Variants in PABPC4L observed in about 807,000 individuals in gnomAD.
PABPC4L encodes polyadenylate-binding protein 4-like.
For synonymous variants in PABPC4L, 169 were observed against 164.1 expected (o/e 1.03, Z -0.23); for missense variants, 452 against 451.4 (o/e 1.00, Z -0.01).
the PABPC4L span, among the ~76,000 whole-genome samples, chr4:133,998,035 A>C: frequency 2.0e-5 from 3 of 151,932 alleles, no homozygotes; most frequent in Non-Finnish European, 4.4e-5. Flanking sequence ...CAAATGTACA[A>C]GTATACATTT....
At chr4:133,957,318 T>G in the PABPC4L span, among the ~76,000 whole-genome samples, 1 of 152,164 alleles carries the variant, frequency 6.6e-6, no homozygotes, top group Non-Finnish European at 1.5e-5. Flanking sequence ...GGGGCAGTCA[T>G]TAAACCTTAC....
At chr4:133,958,150 A>T in the PABPC4L span, among the ~76,000 whole-genome samples, 8 of 152,282 alleles carry the variant, frequency 5.3e-5, no homozygotes, top group East Asian at 1.4e-3. Context: ...TCCAAACTTT[A>T]ATGCTCTGCT....
chr4:133,976,550 T>A, the PABPC4L span, among the ~76,000 whole-genome samples: 1 of 152,324 alleles, frequency 6.6e-6, no homozygotes, highest in South Asian at 2.1e-4. Flanking sequence ...TCTTCCACAA[T>A]GTTTTAATTA....
the PABPC4L span, among the ~76,000 whole-genome samples, chr4:134,165,904 GA>G: frequency 6.6e-6 from 1 of 152,054 alleles, no homozygotes; most frequent in African/African-American, 2.4e-5. Flanking sequence ...CTGATGAGTG[GA>G]TTAAAAAAAT....
At chr4:134,188,870 A>T in the PABPC4L span, among the ~76,000 whole-genome samples, 3 of 151,638 alleles carry the variant, frequency 2.0e-5, no homozygotes, top group Non-Finnish European at 4.4e-5. Context: ...TCTTGTCATT[A>T]TTGTTTCAGG....
chr4:133,992,379 C>T, the PABPC4L span, among the ~76,000 whole-genome samples: 1 of 152,158 alleles, frequency 6.6e-6, no homozygotes, highest in Non-Finnish European at 1.5e-5. Flanking sequence ...TTGAGGCTAC[C>T]TTCAACAAAG....
the PABPC4L span, among the ~76,000 whole-genome samples, chr4:134,076,186 C>G: frequency 6.6e-6 from 1 of 151,842 alleles, no homozygotes; most frequent in African/African-American, 2.4e-5. Flanking sequence ...AAGTGGAAAT[C>G]AGAATTATGA....
chr4:134,094,659 A>T, the PABPC4L span, among the ~76,000 whole-genome samples: 1 of 151,978 alleles, frequency 6.6e-6, no homozygotes, highest in South Asian at 2.1e-4. Context: ...TTACTGAAAA[A>T]TATGTTTAAA....
chr4:133,964,049 A>G, the PABPC4L span, among the ~76,000 whole-genome samples: 32 of 152,244 alleles, frequency 2.1e-4, no homozygotes, highest in Non-Finnish European at 2.9e-5. Flanking sequence ...GTCTTTGAAA[A>G]GATAGATAAA....
chr4:134,038,146 C>T, the PABPC4L span, among the ~76,000 whole-genome samples: 11 of 152,188 alleles, frequency 7.2e-5, 1 homozygote, highest in South Asian at 2.3e-3. Flanking sequence ...GTATGTTGAA[C>T]CAGCCTTGCA....
chr4:134,105,088 G>A, the PABPC4L span, among the ~76,000 whole-genome samples: 1 of 151,740 alleles, frequency 6.6e-6, no homozygotes, highest in Non-Finnish European at 1.5e-5. Context: ...ATGTGATTAA[G>A]TGTGTCTCTG....
chr4:134,193,610 A>C, downstream of PABPC4L, among the ~76,000 whole-genome samples: 1 of 151,922 alleles, frequency 6.6e-6, no homozygotes, highest in Non-Finnish European at 1.5e-5. Context: ...TTGGCTCCCA[A>C]ATTCTATACT....
chr4:133,975,356 A>G, the PABPC4L span, among the ~76,000 whole-genome samples: 1 of 152,126 alleles, frequency 6.6e-6, no homozygotes, highest in African/African-American at 2.4e-5. Flanking sequence ...TGGAGGGATC[A>G]CTAATGAGTA....
At chr4:134,056,626 A>C in the PABPC4L span, among the ~76,000 whole-genome samples, 6 of 152,080 alleles carry the variant, frequency 3.9e-5, no homozygotes, top group South Asian at 1.2e-3. Flanking sequence ...TTTAATGTTA[A>C]ATTATTAATA....
At chr4:134,018,607 T>C in the PABPC4L span, among the ~76,000 whole-genome samples, 2 of 152,148 alleles carry the variant, frequency 1.3e-5, no homozygotes, top group Non-Finnish European at 2.9e-5. Flanking sequence ...ATATACTATG[T>C]TTGGATATCT....
the PABPC4L span, among the ~76,000 whole-genome samples, chr4:134,042,300 G>T: frequency 6.6e-6 from 1 of 152,060 alleles, no homozygotes; most frequent in African/African-American, 2.4e-5. Flanking sequence ...AAGGTTGGGG[G>T]TGGGCAGGGA....
the PABPC4L span, among the ~76,000 whole-genome samples, chr4:134,074,697 G>T: frequency 2.6e-5 from 4 of 152,262 alleles, no homozygotes; most frequent in East Asian, 5.8e-4. Flanking sequence ...GGCTTGTGAG[G>T]CCCCAGAAAA....
At chr4:134,162,552 G>T in the PABPC4L span, among the ~76,000 whole-genome samples, 1 of 152,158 alleles carries the variant, frequency 6.6e-6, no homozygotes. Context: ...CTCTAGAACT[G>T]CAGAATGTAC....
chr4:134,145,840 T>C, the PABPC4L span, among the ~76,000 whole-genome samples: 1 of 152,008 alleles, frequency 6.6e-6, no homozygotes, highest in African/African-American at 2.4e-5. Context: ...ACCCACTATA[T>C]CAAACAAGCA....
Sources: gnomAD v4.1 joint callset for allele counts (sites outside exome capture counted in the v4.1 genomes callset) on GRCh38, gnomAD v4.1.1 for gene constraint, MANE v1.5 for transcripts, NCBI Gene and HGNC (gene_info 2026-07-23, HGNC 2026-07-21) for gene names.